Variants in NRG1 observed in about 807,000 individuals in gnomAD.
The protein encoded by NRG1 is neuregulin 1, also known as pro-neuregulin-1, membrane-bound isoform.
A neutral mutation model predicts 63.8 loss-of-function variants in NRG1; 18 were observed. That is an observed-to-expected ratio of 0.28 (90% confidence interval 0.19 to 0.42). The LOEUF is 0.42. NRG1 is among the 10% of genes least tolerant of loss of function. NRG1 has a pLI of 1.00. For synonymous variants in NRG1, 302 were observed against 301.3 expected (o/e 1.00, Z -0.02); for missense variants, 762 against 814.7 (o/e 0.94, Z 0.79).
intron 1 of NRG1, among the ~76,000 whole-genome samples, chr8:31,849,508 A>G (rs1258093135): frequency 6.6e-6 from 1 of 152,218 alleles, no homozygotes. Context: ...ATGATGGTGC[A>G]ACAGCTGTCC....
At chr8:32,301,045 A>C (rs1483832181) in intron 1 of NRG1, among the ~76,000 whole-genome samples, 1 of 152,188 alleles carries the variant, frequency 6.6e-6, no homozygotes, top group Non-Finnish European at 1.5e-5. Context: ...GTATTTAGAC[A>C]ATCTAAGCAT....
At chr8:32,110,232 T>C (rs1420165197) in intron 1 of NRG1, among the ~76,000 whole-genome samples, 1 of 151,962 alleles carries the variant, frequency 6.6e-6, no homozygotes, top group Non-Finnish European at 1.5e-5. Flanking sequence ...GAGAAATGAT[T>C]GTCAACACAA....
At chr8:32,432,990 G>C (rs1818336324) in intron 1 of NRG1, among the ~76,000 whole-genome samples, 1 of 152,138 alleles carries the variant, frequency 6.6e-6, no homozygotes, top group Admixed American at 6.5e-5. Context: ...CATGTTTCTA[G>C]TTATAGTGTA....
At chr8:32,762,242 A>C (rs566617204) in intron 11 of NRG1, among the ~76,000 whole-genome samples, 2 of 152,108 alleles carry the variant, frequency 1.3e-5, no homozygotes, top group African/African-American at 2.4e-5. Flanking sequence ...TAATGTATTA[A>C]GGAAGTCTAT....
intron 5 of NRG1, among the ~76,000 whole-genome samples, chr8:32,690,122 A>G (rs1312396087): frequency 1.3e-5 from 2 of 152,208 alleles, no homozygotes; most frequent in East Asian, 1.9e-4. Flanking sequence ...GGTCCAATAG[A>G]GCCAGCTACT....
At chr8:32,053,979 A>G (rs1822422764) in intron 1 of NRG1, among the ~76,000 whole-genome samples, 1 of 152,340 alleles carries the variant, frequency 6.6e-6, no homozygotes, top group South Asian at 2.1e-4. Context: ...CTCATTATCA[A>G]AAATAAATGA....
At chr8:32,629,503 G>A (rs1329578015) in intron 5 of NRG1, among the ~76,000 whole-genome samples, 5 of 152,080 alleles carry the variant, frequency 3.3e-5, no homozygotes, top group Non-Finnish European at 7.4e-5. Context: ...CATTTTTTAA[G>A]TTGTACACAT....
At chr8:32,391,064 C>T (rs1811690543) in intron 1 of NRG1, among the ~76,000 whole-genome samples, 1 of 151,974 alleles carries the variant, frequency 6.6e-6, no homozygotes, top group South Asian at 2.1e-4. Flanking sequence ...CTGAAGCTCT[C>T]AAGCATCTTG....
chr8:31,917,866 A>C (rs1209012397), intron 1 of NRG1, among the ~76,000 whole-genome samples: 2 of 151,720 alleles, frequency 1.3e-5, no homozygotes, highest in African/African-American at 4.8e-5. Flanking sequence ...TTTGTTTGTA[A>C]CCTCTTTAAT....
chr8:31,929,123 C>T (rs1834659085), intron 1 of NRG1, among the ~76,000 whole-genome samples: 1 of 152,108 alleles, frequency 6.6e-6, no homozygotes, highest in African/African-American at 2.4e-5. Flanking sequence ...GAACTGAGGT[C>T]CTTGGAAAAT....
At chr8:31,883,465 A>G (rs1286257140) in intron 1 of NRG1, among the ~76,000 whole-genome samples, 1 of 152,164 alleles carries the variant, frequency 6.6e-6, no homozygotes, top group Non-Finnish European at 1.5e-5. Flanking sequence ...CTATGCTTGA[A>G]AAATGTTATC....
intron 5 of NRG1, among the ~76,000 whole-genome samples, chr8:32,635,633 A>G (rs1348237751): frequency 1.3e-5 from 2 of 152,140 alleles, no homozygotes; most frequent in Non-Finnish European, 2.9e-5. Context: ...TGTCTCTGGG[A>G]GCACAGTTAA....
Position 32,286,856 on chromosome 8 carries a change from G to T in NRG1, c.38-308972G>T, listed in dbSNP as rs558810124. 3.3e-5 allele frequency among the ~76,000 whole-genome samples: 5 copies of T among 152,236 alleles called. No individual in the cohort carries two copies. The East Asian group carries it at 9.7e-4, about 29-fold the overall frequency. ...TACTAAAAATACAAAAATTAGTTGG[G>T]CATGGTGGCGGGCACCTGTAATCCC... On this transcript the variant is annotated intron_variant, in intron 1 of 10. Coordinates refer to the NRG1 transcript ENST00000519301.
At chr8:32,355,269 G>C (rs1806216875) in intron 1 of NRG1, among the ~76,000 whole-genome samples, 2 of 152,092 alleles carry the variant, frequency 1.3e-5, no homozygotes, top group South Asian at 4.2e-4. Context: ...AACCAGCCTG[G>C]GCAACGTGAT....
chr8:31,821,206 C>G (rs527395787), intron 1 of NRG1, among the ~76,000 whole-genome samples: 5 of 152,256 alleles, frequency 3.3e-5, no homozygotes, highest in African/African-American at 1.2e-4. Flanking sequence ...ATTTTTGAAT[C>G]CACAGATGCA....
At chr8:31,773,671 T>C (rs1370713389) in intron 1 of NRG1, among the ~76,000 whole-genome samples, 1 of 152,200 alleles carries the variant, frequency 6.6e-6, no homozygotes, top group Non-Finnish European at 1.5e-5. Flanking sequence ...TGCATGCTTT[T>C]ACTTAGCTTC....
chr8:31,771,172 T>C (rs1220576129), intron 1 of NRG1, among the ~76,000 whole-genome samples: 2 of 152,194 alleles, frequency 1.3e-5, no homozygotes, highest in Non-Finnish European at 1.5e-5. Flanking sequence ...CCCAACCTAA[T>C]GCCTGGCAGC....
In NRG1 at chr8:31,772,345, G is replaced by A. The variant is rs185315808; in HGVS notation, c.37+132914G>A. ...CGGAAAGACCTGTCTTCTGTTCTTC[G>A]TCACCAAGACTCTCTACACAGTAAG... On this transcript the variant is annotated intron_variant, in intron 1 of 10. Transcript: ENST00000519301. 5.9e-3 allele frequency among the ~76,000 whole-genome samples: 892 copies of A among 151,952 alleles called. 3 individuals carry two copies. The highest frequency in any genetic ancestry group is 0.022 in the South Asian group (106 of 4,814).
At chr8:32,257,227 T>C (rs1849829339) in intron 1 of NRG1, among the ~76,000 whole-genome samples, 1 of 152,124 alleles carries the variant, frequency 6.6e-6, no homozygotes, top group African/African-American at 2.4e-5. Flanking sequence ...GGGCTCCATG[T>C]GGGTGGGATC....
Sources: gnomAD v4.1 joint callset for allele counts (sites outside exome capture counted in the v4.1 genomes callset) on GRCh38, gnomAD v4.1.1 for gene constraint, MANE v1.5 for transcripts, NCBI Gene and HGNC (gene_info 2026-07-23, HGNC 2026-07-21) for gene names.